ADAMTSL3: variants seen among roughly 807,000 people sequenced by gnomAD.
The protein encoded by ADAMTSL3 is ADAMTS-like protein 3.
Under a neutral mutation model 201.7 loss-of-function variants are expected in ADAMTSL3, and 128 were observed. That is an observed-to-expected ratio of 0.63 (90% CI 0.55 to 0.73). The LOEUF is 0.73. ADAMTSL3 is among the 30% of genes least tolerant of loss of function. The pLI, the probability that ADAMTSL3 is intolerant of heterozygous loss-of-function variation, is 0.00. For missense variants in ADAMTSL3, 1,990 were observed against 2,119.6 expected (o/e 0.94, Z 1.20); for synonymous variants, 738 against 748.4 (o/e 0.99, Z 0.23).
chr15:84,038,438 T>C lies in ADAMTSL3; in HGVS notation c.*632T>C, dbSNP rs938463456. The C allele has an allele frequency of 6.6e-6, 1 of 152,554 alleles. No homozygotes were observed. The allele number at this position is 152,554 out of a possible 1,614,324, so 9.5% of individuals were successfully genotyped here. On this transcript the variant is annotated 3_prime_UTR_variant, in exon 30 of 30. Transcript: ENST00000286744. ...CATGGAAGAAAACACAGAGTAGATA[T>C]TGCTGTCATTTATACAACTACAGAA... is the stretch of plus-strand genomic sequence containing the variant.
intron 19 of ADAMTSL3, among the ~76,000 whole-genome samples, chr15:83,945,010 G>A (rs1275149261): frequency 6.6e-6 from 1 of 152,156 alleles, no homozygotes; most frequent in Non-Finnish European, 1.5e-5. Flanking sequence ...TTAAGTGCTA[G>A]TATTTTAAAA....
At chr15:83,990,602 C>T (rs1339129860) in intron 22 of ADAMTSL3, among the ~76,000 whole-genome samples, 1 of 152,150 alleles carries the variant, frequency 6.6e-6, no homozygotes. Flanking sequence ...TTCATCAACC[C>T]CCTCCCCCAG....
At chr15:83,876,322 GT>G (rs1309966139) in intron 9 of ADAMTSL3, among the ~76,000 whole-genome samples, 5 of 151,566 alleles carry the variant, frequency 3.3e-5, no homozygotes. Flanking sequence ...TTAACTCAGA[GT>G]TTTTTTTACA....
intron 8 of ADAMTSL3, among the ~76,000 whole-genome samples, chr15:83,868,445 A>G (rs753456137): frequency 1.2e-4 from 18 of 152,170 alleles, no homozygotes; most frequent in African/African-American, 1.4e-4. Flanking sequence ...AAAAATGACA[A>G]CTTTTAAAGA....
intron 7 of ADAMTSL3, among the ~76,000 whole-genome samples, chr15:83,843,804 C>A (rs911668012): frequency 3.3e-5 from 5 of 152,158 alleles, no homozygotes; most frequent in Non-Finnish European, 5.9e-5. Context: ...GAGGCAGACA[C>A]AAGGTGTAAG....
intron 23 of ADAMTSL3, among the ~76,000 whole-genome samples, chr15:83,997,152 G>C (rs948524624): frequency 2.6e-5 from 4 of 152,200 alleles, no homozygotes; most frequent in African/African-American, 9.6e-5. Context: ...AGTTTCAAGA[G>C]TGCATTGTAA....
At chr15:84,021,197 C>T (rs991676956) in intron 25 of ADAMTSL3, among the ~76,000 whole-genome samples, 1 of 152,138 alleles carries the variant, frequency 6.6e-6, no homozygotes, top group Admixed American at 6.5e-5. Flanking sequence ...GTCCAAGGAC[C>T]CCATTCTGGC....
chr15:83,885,252 A>C, intron 10 of ADAMTSL3, 40 bp downstream of exon 10: 2 of 1,481,130 alleles, frequency 1.4e-6, no homozygotes, highest in Non-Finnish European at 1.9e-6. Context: ...TAGAGCTCAG[A>C]GTTAGATAAA....
At chr15:83,830,526 A>AC (rs1409964626) in intron 6 of ADAMTSL3, among the ~76,000 whole-genome samples, 3 of 152,172 alleles carry the variant, frequency 2.0e-5, no homozygotes, top group Non-Finnish European at 4.4e-5. Flanking sequence ...ACTGAAATCC[A>AC]CCCACTTCAT....
chr15:83,708,021 C>T (rs890336935), intron 3 of ADAMTSL3, among the ~76,000 whole-genome samples: 3 of 152,220 alleles, frequency 2.0e-5, no homozygotes, highest in African/African-American at 7.2e-5. Flanking sequence ...CGGCATTCCA[C>T]AGCCAGAAGT....
chr15:83,804,581 T>C, intron 4 of ADAMTSL3, 69 bp from the exon 5 acceptor site: 1 of 1,073,612 alleles, frequency 9.3e-7, no homozygotes, highest in Non-Finnish European at 1.3e-6. Flanking sequence ...TGCTTTTTTT[T>C]TTTTTTTTTA....
intron 27 of ADAMTSL3, 94 bp downstream of exon 27, chr15:84,025,530 G>A (rs2068290316): frequency 8.1e-7 from 1 of 1,234,386 alleles, no homozygotes; most frequent in African/African-American, 1.5e-5. Flanking sequence ...TACTTTTGGG[G>A]CGGGGGGCAG....
intron 3 of ADAMTSL3, among the ~76,000 whole-genome samples, chr15:83,742,921 T>G (rs769886511): frequency 6.6e-6 from 1 of 152,230 alleles, no homozygotes; most frequent in Non-Finnish European, 1.5e-5. Flanking sequence ...GATCTCCACA[T>G]CTGTTATTTT....
chr15:84,014,315 T>C (rs954462407), intron 23 of ADAMTSL3, among the ~76,000 whole-genome samples: 10 of 152,286 alleles, frequency 6.6e-5, no homozygotes, highest in African/African-American at 2.4e-4. Flanking sequence ...CCATAACTTA[T>C]ATGTGTAAAC....
At chr15:83,812,116 G>A (rs2063708525) in intron 5 of ADAMTSL3, among the ~76,000 whole-genome samples, 1 of 152,228 alleles carries the variant, frequency 6.6e-6, no homozygotes, top group Non-Finnish European at 1.5e-5. Context: ...CTTGGAGTAT[G>A]AATATGGTTG....
chr15:83,655,577 C>T (rs1289101764), intron 1 of ADAMTSL3, among the ~76,000 whole-genome samples, 152 bp from the exon 2 acceptor site: 1 of 152,232 alleles, frequency 6.6e-6, no homozygotes, highest in Non-Finnish European at 1.5e-5. Flanking sequence ...AGCCTGCACC[C>T]TGCAGTAGGC....
intron 4 of ADAMTSL3, among the ~76,000 whole-genome samples, chr15:83,775,942 C>A (rs1008526544): frequency 6.6e-6 from 1 of 152,192 alleles, no homozygotes; most frequent in African/African-American, 2.4e-5. Flanking sequence ...TGCTGGCACT[C>A]ATGCACGTGC....
chr15:83,883,107 A>G (rs977556755), intron 9 of ADAMTSL3, among the ~76,000 whole-genome samples: 2 of 151,530 alleles, frequency 1.3e-5, no homozygotes, highest in Non-Finnish European at 2.9e-5. Context: ...TAAATATAGC[A>G]TTTCTCATAT....
intron 6 of ADAMTSL3, among the ~76,000 whole-genome samples, chr15:83,822,003 C>G (rs1172491288): frequency 1.8e-5 from 2 of 110,220 alleles, no homozygotes; most frequent in African/African-American, 6.1e-5. Flanking sequence ...GGGTTGCTGA[C>G]CTCCCCCACC....
Sources: allele counts gnomAD v4.1 joint callset (sites outside exome capture counted in the v4.1 genomes callset), GRCh38; gene constraint gnomAD v4.1.1; transcripts MANE v1.5; gene names NCBI Gene and HGNC (gene_info 2026-07-23, HGNC 2026-07-21).